Variants in GTSE1 observed in about 807,000 individuals in gnomAD.
GTSE1 encodes the protein G2 and S phase-expressed protein 1.
In GTSE1, 52 loss-of-function variants were observed where a neutral mutation model predicts 60.5. The observed-to-expected ratio is 0.86, with a 90% CI of 0.69 to 1.08. The LOEUF is 1.08. Ranked by LOEUF, GTSE1 falls within the 50% of genes least tolerant of loss-of-function variation. The probability of loss-of-function intolerance (pLI) is 0.00; values close to 1 mark genes in which losing one functional copy is unlikely to be tolerated. For synonymous variants in GTSE1, 368 were observed against 386.5 expected (o/e 0.95, Z 0.56); for missense variants, 937 against 961.8 (o/e 0.97, Z 0.34).
rs775422568 is a variant in GTSE1, at chr22:46,316,398, C to G, written c.1418C>G (p.Pro473Arg). Residue 473 changes from proline to arginine, a missense_variant, in exon 7 of 12, where the codon CCT (proline) becomes CGT (arginine). Transcript: ENST00000454366. The surrounding 1 kb of genome is among the most constrained non-coding windows in gnomAD (Gnocchi z 5.0). ...MPTPTNQFKI[P>R]KFSIGDSPDS... Reference sequence around the variant, plus strand: ...ACTCCTACAAATCAATTTAAAATTCCTAAGTTTTCTATTGGTGAGTAATAG... The same window carrying G: ...ACTCCTACAAATCAATTTAAAATTCGTAAGTTTTCTATTGGTGAGTAATAG... 1.3e-6 allele frequency: 2 copies of G among 1,565,592 alleles called. No individual in the cohort carries two copies. The highest frequency in any genetic ancestry group is 1.7e-6 in the Non-Finnish European group (2 of 1,143,924).
In GTSE1 at chr22:46,308,910, T is replaced by C. The variant is rs1180971956; in HGVS notation, c.729T>C (p.Val243=). The C allele has an allele frequency of 1.2e-6, 2 of 1,612,666 alleles. No individual in the cohort carries two copies. Among genetic ancestry groups the C allele is most frequent in the Admixed American group, 1.7e-5 (1 of 60,010 alleles). ...TGCTGCTGCCTCGAGCGGCCTCTGT[T>C]AGAGGAAGAAGCATCCCTGGGGCTG... ...TKLLLPRAAS[V]RGRSIPGAAE... The change falls in exon 4 of 12, where the codon GTT becomes GTC. Residue 243 remains valine (V), a synonymous_variant. Coordinates refer to ENST00000454366, the MANE Select transcript of GTSE1 (RefSeq NM_016426.7).
In GTSE1 at chr22:46,309,934, G is replaced by A. The variant is rs565081984; in HGVS notation, c.762+991G>A. ...GACAGGGATTGTGCATGTAGCACGC[G>A]TGGACTCGGGGAGAGAGGTGGTGTG... On this transcript the variant is annotated intron_variant, in intron 4 of 11. Transcript: ENST00000454366. This position sits in a 1 kb window ranked among gnomAD's most constrained non-coding sequence, Gnocchi z 6.2. Among the ~76,000 whole-genome samples the A allele has an allele frequency of 1.2e-4, 18 of 152,358 alleles. No homozygotes were observed. The South Asian group carries it at 1.7e-3, about 14-fold the overall frequency.
rs2077866742 is a variant in GTSE1, at chr22:46,329,956, G to A, written c.2137-91G>A. 2.5e-6 allele frequency: 2 copies of A among 804,476 alleles called. No homozygotes were observed. The highest frequency in any genetic ancestry group is 2.8e-5 in the South Asian group (2 of 71,894). The allele number at this position is 804,476 out of a possible 1,614,324, so 49.8% of individuals were successfully genotyped here. ...CGAGCCAGGATGAGCGAGTGGCTGTGATGACCCACGCAGCCAGTCCTCTGT... is the reference window on the plus strand; with the variant it reads ...CGAGCCAGGATGAGCGAGTGGCTGTAATGACCCACGCAGCCAGTCCTCTGT... On this transcript the variant is annotated intron_variant, in intron 11 of 11. Transcript: ENST00000454366. The surrounding 1 kb of genome is among the most constrained non-coding windows in gnomAD (Gnocchi z 6.4).
intron 2 of GTSE1, among the ~76,000 whole-genome samples, chr22:46,306,816 A>G (rs2077718040): frequency 6.6e-6 from 1 of 152,204 alleles, no homozygotes; most frequent in Non-Finnish European, 1.5e-5. Context: ...AAAAACATTT[A>G]TGGGAGAGCT....
chr22:46,323,489 A>G (rs1404755497), intron 8 of GTSE1, among the ~76,000 whole-genome samples: 1 of 152,122 alleles, frequency 6.6e-6, no homozygotes, highest in Non-Finnish European at 1.5e-5. Flanking sequence ...CCAGCCCTGG[A>G]CTGGTGTGGT....
At chr22:46,312,638 CAAAA>C (rs60392526) in intron 5 of GTSE1, among the ~76,000 whole-genome samples, 10 of 59,768 alleles carry the variant, frequency 1.7e-4, no homozygotes, top group Admixed American at 5.8e-4. Context: ...GACCCTGTCT[CAAAA>C]AAAAAAAAAA....
At chr22:46,328,960 C>G (rs751631154) in intron 10 of GTSE1, 71 bp downstream of exon 10, 1 of 1,262,166 alleles carries the variant, frequency 7.9e-7, no homozygotes, top group South Asian at 1.2e-5. Context: ...GCCCGTGGAA[C>G]CCAGGGCTGT....
In GTSE1 at chr22:46,309,110, G is replaced by C. The variant is rs116041746; in HGVS notation, c.762+167G>C. 6.6e-6 allele frequency among the ~76,000 whole-genome samples: 1 copy of C among 152,234 alleles called. No homozygotes were observed. The highest frequency in any genetic ancestry group is 1.5e-5 in the Non-Finnish European group (1 of 68,034). ...GCAGTTGCCAATAGGGAGCTGATGT[G>C]GGGGTGGCTTGGATAAGTTGGGTTG... On this transcript the variant is annotated intron_variant, in intron 4 of 11. Coordinates refer to ENST00000454366, the MANE Select transcript of GTSE1 (RefSeq NM_016426.7). This position sits in a 1 kb window ranked among gnomAD's most constrained non-coding sequence, Gnocchi z 6.2.
At chr22:46,328,416 CGCATT>C in intron 9 of GTSE1, among the ~76,000 whole-genome samples, 1 of 152,284 alleles carries the variant, frequency 6.6e-6, no homozygotes, top group African/African-American at 2.4e-5. Flanking sequence ...GACGGGCGTG[CGCATT>C]ACCTTGTGTT....
At chr22:46,315,278 C>T (rs1466090708) in intron 6 of GTSE1, among the ~76,000 whole-genome samples, 2 of 152,154 alleles carry the variant, frequency 1.3e-5, no homozygotes, top group Non-Finnish European at 2.9e-5. Context: ...AGGATGGTCT[C>T]GATCTCTTGA....
At chr22:46,305,762 C>T (rs969537670) in intron 2 of GTSE1, among the ~76,000 whole-genome samples, 3 of 151,618 alleles carry the variant, frequency 2.0e-5, no homozygotes, top group Non-Finnish European at 4.4e-5. Flanking sequence ...CGAAAATTAG[C>T]CCGGTGTGGT....
intron 4 of GTSE1, among the ~76,000 whole-genome samples, chr22:46,311,071 T>A (rs987681324): frequency 6.6e-6 from 1 of 151,862 alleles, no homozygotes; most frequent in Non-Finnish European, 1.5e-5. Flanking sequence ...TGTTTTTTTT[T>A]TTGTTTTGTT....
chr22:46,325,291 C>T (rs758493831), intron 8 of GTSE1, among the ~76,000 whole-genome samples: 5 of 151,832 alleles, frequency 3.3e-5, no homozygotes, highest in South Asian at 2.1e-4. Flanking sequence ...CCGCTTCCTA[C>T]GTTCAAGCAA....
rs1038657536 is a variant in GTSE1, at chr22:46,297,191, C to G, written c.-21-189C>G. On this transcript the variant is annotated intron_variant, in intron 1 of 11. Coordinates refer to ENST00000454366, the MANE Select transcript of GTSE1 (RefSeq NM_016426.7). This position sits in a 1 kb window ranked among gnomAD's most constrained non-coding sequence, Gnocchi z 4.9. ...TCGTCTGATGGCGTTCGGGCTGACT[C>G]CCGGCCTGGCGGCACTCGGGCCCTG... Among the ~76,000 whole-genome samples, 11 of 152,242 alleles carry G rather than the reference C, an allele frequency of 7.2e-5. No homozygotes were observed. The highest frequency in any genetic ancestry group is 1.6e-4 in the Non-Finnish European group (11 of 68,044).
rs751030283 is a variant in GTSE1, at chr22:46,313,856, T to C, written c.928-34T>C. The stretch of plus-strand genomic sequence containing the variant: ...CAAGTAATAGGTAAATAACGAGATC[T>C]TTGCTGATTCTGTTTTTTCACATTT... On this transcript the variant is annotated intron_variant, in intron 5 of 11. Transcript: ENST00000454366. This position sits in a 1 kb window ranked among gnomAD's most constrained non-coding sequence, Gnocchi z 4.4. 1.5e-5 allele frequency: 24 copies of C among 1,612,854 alleles called. No homozygotes were observed. Among genetic ancestry groups the C allele is most frequent in the Non-Finnish European group, 2.0e-5 (23 of 1,179,052 alleles).
rs935297848 is a variant in GTSE1, at chr22:46,318,817, T to C, written c.1432+2405T>C. On this transcript the variant is annotated intron_variant, in intron 7 of 11. Coordinates refer to ENST00000454366, the MANE Select transcript of GTSE1 (RefSeq NM_016426.7). This position sits in a 1 kb window ranked among gnomAD's most constrained non-coding sequence, Gnocchi z 4.8. ...CGTGCGACAGCTGGTCAGTACTCCTTGGTGTCAGGGACCCAGGCTTACTCC... is the reference window on the plus strand; with the variant it reads ...CGTGCGACAGCTGGTCAGTACTCCTCGGTGTCAGGGACCCAGGCTTACTCC... Among the ~76,000 whole-genome samples the C allele has an allele frequency of 1.3e-5, 2 of 152,136 alleles. No individual in the cohort carries two copies. Among genetic ancestry groups the C allele is most frequent in the Non-Finnish European group, 2.9e-5 (2 of 68,020 alleles).
intron 2 of GTSE1, among the ~76,000 whole-genome samples, chr22:46,306,329 C>A (rs1248508688): frequency 6.8e-6 from 1 of 146,650 alleles, no homozygotes; most frequent in African/African-American, 2.5e-5. Context: ...CTACAGGCAC[C>A]TGCCACCACG....
At position 46,316,093 on chromosome 22, in the gene GTSE1, C is replaced by A; in HGVS notation, c.1113C>A (p.Ser371Arg). Reference protein sequence around the residue: ...ANSSRPLSNISKSGRMGPAML... With the variant: ...ANSSRPLSNIRKSGRMGPAML... The stretch of plus-strand genomic sequence containing the variant: ...GCTCCCGGCCTCTGTCAAACATCAG[C>A]AAGTCAGGCAGAATGGGACCCGCCA... The change falls in exon 7 of 12, where the codon AGC (serine) becomes AGA (arginine). Residue 371 changes from serine (S) to arginine (R), a missense_variant. By Grantham distance (110) the Ser-to-Arg change is moderately radical. Coordinates refer to ENST00000454366, the MANE Select transcript of GTSE1 (RefSeq NM_016426.7). This position sits in a 1 kb window ranked among gnomAD's most constrained non-coding sequence, Gnocchi z 5.0. 6.5e-7 allele frequency: 1 copy of A among 1,547,694 alleles called. No individual in the cohort carries two copies. Among genetic ancestry groups the A allele is most frequent in the Non-Finnish European group, 8.7e-7 (1 of 1,145,276 alleles).
rs368005340 is a variant in GTSE1 at position 46,322,065 on chromosome 22, CTCTG to C, written c.1433-1121_1433-1118del. Among the ~76,000 whole-genome samples the C allele has an allele frequency of 1.8e-3, 227 of 123,144 alleles. 2 individuals carry two copies. Among genetic ancestry groups the C allele is most frequent in the African/African-American group, 7.1e-3 (211 of 29,720 alleles). The allele number at this position is 123,144 out of a possible 152,430, so 80.8% of individuals were successfully genotyped here. ...CTCCAGCCTGGGCGACAGAGAGAGACTCTGTCTCAAAAAAAAAAAAAAAAAAAAA... is the reference window on the plus strand; with the variant it reads ...CTCCAGCCTGGGCGACAGAGAGAGACTCTCAAAAAAAAAAAAAAAAAAAAA... On this transcript the variant is annotated intron_variant, in intron 7 of 11. Transcript: ENST00000454366.
Sources: gnomAD v4.1 joint callset for allele counts (sites outside exome capture counted in the v4.1 genomes callset) on GRCh38, gnomAD v4.1.1 for gene constraint, Gnocchi (gnomAD v3.1) non-coding constraint, MANE v1.5 for transcripts, NCBI Gene and HGNC (gene_info 2026-07-23, HGNC 2026-07-21) for gene names.